DENND5A: variants seen among roughly 807,000 people sequenced by gnomAD.
The protein encoded by DENND5A is DENN domain-containing protein 5A.
Under a neutral mutation model 140.3 loss-of-function variants are expected in DENND5A, and 64 were observed. That is an observed-to-expected ratio of 0.46 (90% CI 0.37 to 0.56). The LOEUF is 0.56. Among genes scored for constraint, DENND5A ranks in the 20% least tolerant of loss-of-function variants. The probability of loss-of-function intolerance (pLI) is 0.00; values close to 1 mark genes in which losing one functional copy is unlikely to be tolerated. For missense variants in DENND5A, 1,292 were observed against 1,593.8 expected (o/e 0.81, Z 3.22); for synonymous variants, 605 against 607.7 (o/e 1.00, Z 0.07).
chr11:9,262,112 G>T (rs966140938), intron 1 of DENND5A, among the ~76,000 whole-genome samples: 1 of 152,006 alleles, frequency 6.6e-6, no homozygotes, highest in African/African-American at 2.4e-5. Context: ...AATGTTGAAA[G>T]ACAGTTTTTA....
chr11:9,144,340 C>A, intron 18 of DENND5A, 62 bp from the exon 19 acceptor site: 1 of 1,556,484 alleles, frequency 6.4e-7, no homozygotes, highest in Non-Finnish European at 8.8e-7. Context: ...ACAGGAAGAG[C>A]CATCAACAAA....
At chr11:9,239,896 T>G (rs756850548) in intron 1 of DENND5A, among the ~76,000 whole-genome samples, 3 of 152,242 alleles carry the variant, frequency 2.0e-5, no homozygotes, top group African/African-American at 4.8e-5. Context: ...CCTCAGATTC[T>G]ATAATTTATG....
At chr11:9,153,527 C>T (rs1271013131) in intron 12 of DENND5A, among the ~76,000 whole-genome samples, 1 of 151,862 alleles carries the variant, frequency 6.6e-6, no homozygotes, top group Non-Finnish European at 1.5e-5. Flanking sequence ...TTGTTCTAGT[C>T]CTGATTTTGC....
intron 15 of DENND5A, among the ~76,000 whole-genome samples, chr11:9,147,601 A>T (rs1752971921): frequency 1.3e-5 from 2 of 152,234 alleles, no homozygotes; most frequent in South Asian, 4.2e-4. Flanking sequence ...TGAGAGCCAC[A>T]AGTCAGAACA....
rs193066822 is a variant in DENND5A, at chr11:9,139,986, C to A, written c.3681-132G>T. 383 of 1,037,240 alleles carry A rather than the reference C, an allele frequency of 3.7e-4. No homozygotes were observed. In the East Asian group the frequency reaches 8.9e-3, roughly 24 times the overall value. 64.3% of individuals were successfully genotyped at this position (1,037,240 alleles called of 1,614,324 possible). On this transcript the variant is annotated intron_variant, in intron 22 of 22. Coordinates refer to ENST00000328194, the MANE Select transcript of DENND5A (RefSeq NM_015213.4). ...AGAAGCTGACAGCCCCCCACACCCC[C>A]CTTTCCCAAACAGGGACTGGCAAAG...
At chr11:9,264,817 G>T in intron 1 of DENND5A, 144 bp downstream of exon 1, 1 of 659,736 alleles carries the variant, frequency 1.5e-6, no homozygotes, top group Admixed American at 3.0e-5. Flanking sequence ...CCAGTCCAAA[G>T]CCCCCTTCGC....
intron 1 of DENND5A, among the ~76,000 whole-genome samples, chr11:9,227,831 G>A (rs541193930): frequency 6.6e-6 from 1 of 151,926 alleles, no homozygotes; most frequent in Admixed American, 6.6e-5. Context: ...ATGAGGCCAG[G>A]CACTGTGGCT....
chr11:9,224,947 T>A (rs887980631), intron 1 of DENND5A, among the ~76,000 whole-genome samples: 35 of 151,926 alleles, frequency 2.3e-4, no homozygotes, highest in African/African-American at 8.2e-4. Context: ...AGTGCTAGGG[T>A]CAGAGCCATT....
chr11:9,255,776 A>T (rs1312315798), intron 1 of DENND5A, among the ~76,000 whole-genome samples: 8 of 151,996 alleles, frequency 5.3e-5, no homozygotes, highest in Non-Finnish European at 8.8e-5. Flanking sequence ...AAGGCAGGAT[A>T]ATTGCTTGAA....
chr11:9,184,357 GA>G (rs554550679), intron 5 of DENND5A, among the ~76,000 whole-genome samples: 2,046 of 136,254 alleles, frequency 0.015, 39 homozygotes, highest in African/African-American at 0.048. Flanking sequence ...CGTCTCAAAA[GA>G]AAAAAAAAAA....
At chr11:9,223,177 T>G (rs1467738603) in intron 1 of DENND5A, among the ~76,000 whole-genome samples, 6 of 151,336 alleles carry the variant, frequency 4.0e-5, no homozygotes, top group Non-Finnish European at 8.8e-5. Flanking sequence ...TCACTTGAGC[T>G]GAGGAGTTCA....
chr11:9,251,080 C>T (rs571815455), intron 1 of DENND5A, among the ~76,000 whole-genome samples: 83 of 149,092 alleles, frequency 5.6e-4, no homozygotes, highest in South Asian at 1.7e-3. Context: ...GGTTACAGTG[C>T]GCTGAGATCA....
chr11:9,165,704 G>A, intron 11 of DENND5A, 132 bp downstream of exon 11: 1 of 1,113,402 alleles, frequency 9.0e-7, no homozygotes, highest in South Asian at 1.4e-5. Flanking sequence ...AAAGTGTTGG[G>A]ATTACAGGCA....
intron 15 of DENND5A, 105 bp from the exon 16 acceptor site, chr11:9,147,256 A>T: frequency 8.1e-7 from 1 of 1,230,788 alleles, no homozygotes. Flanking sequence ...TAAGATGTCA[A>T]GCTTCAAGTT....
chr11:9,181,161 C>T (rs1848718692), intron 5 of DENND5A, 77 bp from the exon 6 acceptor site: 1 of 1,345,598 alleles, frequency 7.4e-7, no homozygotes, highest in Admixed American at 2.5e-5. Flanking sequence ...GGTTAGTGAA[C>T]AAGAGGGCAA....
chr11:9,224,657 G>A (rs1475097662), intron 1 of DENND5A, among the ~76,000 whole-genome samples: 3 of 151,866 alleles, frequency 2.0e-5, no homozygotes, highest in Non-Finnish European at 2.9e-5. Flanking sequence ...TCAGGAGTTC[G>A]AGACCAGCCT....
chr11:9,153,498 A>G (rs544313546), intron 12 of DENND5A, among the ~76,000 whole-genome samples: 1 of 152,208 alleles, frequency 6.6e-6, no homozygotes, highest in Non-Finnish European at 1.5e-5. Context: ...TAAAATATTT[A>G]AAGTTATTCC....
chr11:9,199,361 G>A (rs1222967237), intron 4 of DENND5A, among the ~76,000 whole-genome samples: 1 of 152,002 alleles, frequency 6.6e-6, no homozygotes, highest in East Asian at 1.9e-4. Flanking sequence ...GCCAGACTCG[G>A]CAGTACATGC....
chr11:9,181,917 G>A (rs1454261327), intron 5 of DENND5A, among the ~76,000 whole-genome samples: 1 of 152,076 alleles, frequency 6.6e-6, no homozygotes, highest in Non-Finnish European at 1.5e-5. Flanking sequence ...AGGTTTAGTG[G>A]CTGATCTTTG....
Sources: allele counts gnomAD v4.1 joint callset (sites outside exome capture counted in the v4.1 genomes callset), GRCh38; gene constraint gnomAD v4.1.1; transcripts MANE v1.5; gene names NCBI Gene and HGNC (gene_info 2026-07-23, HGNC 2026-07-21).